Variants in ANKRD44 observed in about 807,000 individuals in gnomAD.
The protein encoded by ANKRD44 is serine/threonine-protein phosphatase 6 regulatory ankyrin repeat subunit B.
ANKRD44 carries 35 observed loss-of-function variants against 116.0 expected under a neutral mutation model. That is an observed-to-expected ratio of 0.30 (90% confidence interval 0.23 to 0.40). The LOEUF is 0.40. ANKRD44 is among the 10% of genes least tolerant of loss of function. The pLI is 1.00. For missense variants in ANKRD44, 1,014 were observed against 1,242.6 expected, an observed-to-expected ratio of 0.82 and a Z score of 2.77; for synonymous variants, 435 against 461.8, an observed-to-expected ratio of 0.94 and a Z score of 0.74.
intron 14 of ANKRD44, 47 bp downstream of exon 14, chr2:197,083,322 C>A: frequency 6.4e-7 from 1 of 1,554,780 alleles, no homozygotes; most frequent in South Asian, 1.2e-5. Flanking sequence ...TTCCCCACCA[C>A]TCCCCAACCC....
At chr2:197,054,036 A>T (rs1321151739) in intron 16 of ANKRD44, among the ~76,000 whole-genome samples, 1 of 152,256 alleles carries the variant, frequency 6.6e-6, no homozygotes, top group Non-Finnish European at 1.5e-5. Context: ...AGAAAAAGAC[A>T]AAGGAGGAGA....
intron 2 of ANKRD44, among the ~76,000 whole-genome samples, chr2:197,156,289 C>T (rs1157866011): frequency 1.3e-5 from 2 of 150,924 alleles, no homozygotes; most frequent in Non-Finnish European, 1.5e-5. Context: ...GAGCTTGCAG[C>T]GAGTGGAGAT....
intron 16 of ANKRD44, among the ~76,000 whole-genome samples, chr2:197,050,312 C>A (rs1201888400): frequency 6.6e-6 from 1 of 152,200 alleles, no homozygotes; most frequent in Non-Finnish European, 1.5e-5. Flanking sequence ...CTGACCATTA[C>A]AATTGAACAC....
chr2:197,122,899 G>T (rs1467838785), intron 6 of ANKRD44, 107 bp from the exon 7 acceptor site: 24 of 1,370,428 alleles, frequency 1.8e-5, no homozygotes, highest in Non-Finnish European at 2.2e-5. Flanking sequence ...CCAGTATTTT[G>T]CTGAGTTATT....
intron 1 of ANKRD44, among the ~76,000 whole-genome samples, chr2:197,252,829 T>C (rs1354354191): frequency 6.6e-6 from 1 of 152,222 alleles, no homozygotes; most frequent in Non-Finnish European, 1.5e-5. Flanking sequence ...TATTTACTCT[T>C]GCAGTGCTTT....
At chr2:197,074,568 C>G (rs2077625985) in intron 16 of ANKRD44, among the ~76,000 whole-genome samples, 1 of 152,174 alleles carries the variant, frequency 6.6e-6, no homozygotes, top group African/African-American at 2.4e-5. Flanking sequence ...AACTCCTGGG[C>G]TCAAGCAATC....
At chr2:197,245,396 C>T (rs150982441) in intron 1 of ANKRD44, among the ~76,000 whole-genome samples, 2 of 152,150 alleles carry the variant, frequency 1.3e-5, no homozygotes, top group African/African-American at 4.8e-5. Context: ...TGTGCAAATA[C>T]GACACCATTT....
At chr2:197,271,621 G>GT (rs1456688510) in intron 1 of ANKRD44, among the ~76,000 whole-genome samples, 3 of 152,084 alleles carry the variant, frequency 2.0e-5, no homozygotes, top group Non-Finnish European at 2.9e-5. Flanking sequence ...TGCAAATCAG[G>GT]TTTTTTTGTT....
At chr2:197,222,638 G>A (rs968982333) in intron 1 of ANKRD44, among the ~76,000 whole-genome samples, 3 of 152,078 alleles carry the variant, frequency 2.0e-5, no homozygotes, top group Non-Finnish European at 4.4e-5. Context: ...ACCTAGGGCT[G>A]TGCTCATTCT....
At chr2:196,999,496 C>T (rs1361815313) in intron 23 of ANKRD44, among the ~76,000 whole-genome samples, 2 of 152,030 alleles carry the variant, frequency 1.3e-5, no homozygotes. Flanking sequence ...AAAATATCAA[C>T]CCTTTAACCA....
chr2:197,136,028 C>T (rs186556836), intron 4 of ANKRD44: 88 of 157,498 alleles, frequency 5.6e-4, no homozygotes, highest in Middle Eastern at 3.3e-3. Context: ...CATACCACTC[C>T]CCTGCTGTGA....
At chr2:197,149,470 C>A (rs2079585093) in intron 2 of ANKRD44, among the ~76,000 whole-genome samples, 2 of 152,286 alleles carry the variant, frequency 1.3e-5, no homozygotes, top group East Asian at 1.9e-4. Flanking sequence ...TGTAAAAATT[C>A]TTGATGATGA....
intron 21 of ANKRD44, among the ~76,000 whole-genome samples, chr2:197,002,941 C>T (rs1331304781): frequency 1.3e-5 from 2 of 152,212 alleles, no homozygotes; most frequent in Admixed American, 1.3e-4. Context: ...TCAAACTTTT[C>T]TTATATCTAA....
At position 197,025,263 on chromosome 2, in the gene ANKRD44, A is replaced by G; in HGVS notation, c.1655T>C (p.Leu552Ser). Reference protein sequence around the residue: ...YGHRQCLELLLERTNSGFEES... With the variant: ...YGHRQCLELLSERTNSGFEES... The stretch of plus-strand genomic sequence containing the variant: ...TTCAAATCCACTGTTTGTTCTTTCC[A>G]AAAGCTGTGGAGACAAAAAGCAAAC... The change falls in exon 17 of 28, where the codon TTG (leucine) becomes TCG (serine). Residue 552 changes from leucine to serine, a missense_variant. Leu to Ser is a moderately radical substitution (Grantham distance 145). Transcript: ENST00000282272. 6.2e-7 allele frequency: 1 copy of G among 1,610,214 alleles called. No individual in the cohort carries two copies.
At chr2:197,134,920 C>T (rs1158848420) in intron 4 of ANKRD44, 1 of 152,202 alleles carries the variant, frequency 6.6e-6, no homozygotes, top group African/African-American at 2.4e-5. Flanking sequence ...GTAATACCCA[C>T]TCAGTCAGCT....
rs73051376 is a variant in ANKRD44 at position 197,132,580 on chromosome 2, A to G, written c.261+4012T>C. Among the ~76,000 whole-genome samples, 885 of 152,276 alleles carry G rather than the reference A, an allele frequency of 5.8e-3. 10 individuals carry two copies. Among genetic ancestry groups the G allele is most frequent in the African/African-American group, 0.02 (844 of 41,544 alleles). On this transcript the variant is annotated intron_variant, in intron 4 of 27. Coordinates refer to ENST00000282272, the MANE Select transcript of ANKRD44 (RefSeq NM_001195144.2). ...TTAGACTGATATCTGTGTTATATGC[A>G]ATTGCAAAACCAGCCTTGATTTTGC...
Position 197,117,582 on chromosome 2 carries a change from C to A in ANKRD44, c.906+3750G>T, listed in dbSNP as rs146096606. Reference sequence around the variant, plus strand: ...ACAGGGTTTCACCATATTGGTCAGACTGGTCTTGAACTCCTGACCTCAGGT... The same window carrying A: ...ACAGGGTTTCACCATATTGGTCAGAATGGTCTTGAACTCCTGACCTCAGGT... On this transcript the variant is annotated intron_variant, in intron 8 of 27. Coordinates refer to ENST00000282272, the MANE Select transcript of ANKRD44 (RefSeq NM_001195144.2). 2.9e-3 allele frequency among the ~76,000 whole-genome samples: 436 copies of A among 152,032 alleles called. 1 individual carries two copies. Among genetic ancestry groups the A allele is most frequent in the East Asian group, 0.016 (85 of 5,154 alleles).
chr2:197,168,137 G>T (rs912550027), intron 2 of ANKRD44, among the ~76,000 whole-genome samples: 1 of 152,148 alleles, frequency 6.6e-6, no homozygotes. Flanking sequence ...ACATGTGAGT[G>T]AAGTCACCTC....
intron 1 of ANKRD44, among the ~76,000 whole-genome samples, chr2:197,211,634 A>G (rs1457564624): frequency 6.6e-6 from 1 of 152,082 alleles, no homozygotes; most frequent in Non-Finnish European, 1.5e-5. Flanking sequence ...AATCACGCTA[A>G]TCCCATGAGT....
Sources: gnomAD v4.1 joint callset for allele counts (sites outside exome capture counted in the v4.1 genomes callset) on GRCh38, gnomAD v4.1.1 for gene constraint, MANE v1.5 for transcripts, NCBI Gene and HGNC (gene_info 2026-07-23, HGNC 2026-07-21) for gene names.